ZNF497: variants seen among roughly 807,000 people sequenced by gnomAD.
ZNF497 encodes the protein zinc finger protein 497.
For missense variants in ZNF497, 930 were observed against 714.0 expected (o/e 1.30, Z -3.45); for synonymous variants, 422 against 313.7 (o/e 1.35, Z -3.65).
At chr19:58,359,204 TC>T (rs1158393749) in intron 1 of ZNF497, 1 of 1,290,738 alleles carries the variant, frequency 7.7e-7, no homozygotes, top group South Asian at 1.2e-5. Flanking sequence ...CACCATCAGT[TC>T]CAGTGGACTC....
rs770448722 is a variant in ZNF497, at chr19:58,356,835, G to T, written c.801C>A (p.Ile267=). ...AGGCGTGTGGCCGTGCGCCCGCGTGGATCTTCAGGTGCTCGGCCAGGTTGG... is the reference window on the plus strand; with the variant it reads ...AGGCGTGTGGCCGTGCGCCCGCGTGTATCTTCAGGTGCTCGGCCAGGTTGG... ...QSSNLAEHLK[I]HAGARPHACP... Residue 267 remains isoleucine (I), a synonymous_variant, in exon 3 of 3, where the codon ATC becomes ATA. Coordinates refer to ENST00000311044, the MANE Select transcript of ZNF497 (RefSeq NM_198458.3). 48 of 1,570,786 alleles carry T rather than the reference G, an allele frequency of 3.1e-5. No individual in the cohort carries two copies. Among genetic ancestry groups the T allele is most frequent in the South Asian group, 4.5e-5 (4 of 88,358 alleles).
Position 58,357,294 on chromosome 19 carries a change from C to T in ZNF497, c.342G>A (p.Ala114=), listed in dbSNP as rs1314848794. 3 of 1,610,500 alleles carry T rather than the reference C, an allele frequency of 1.9e-6. No homozygotes were observed. The highest frequency in any genetic ancestry group is 3.4e-5 in the Admixed American group (2 of 59,610). Residue 114 remains alanine (A), a synonymous_variant, in exon 3 of 3, where the codon GCG becomes GCA. Coordinates refer to ENST00000311044, the MANE Select transcript of ZNF497 (RefSeq NM_198458.3). ...GCAGCAAGTAAGAGCCCTGGCTGAACGCCTTGCCGCACTCCCCGCACCGGC... is the reference window on the plus strand; with the variant it reads ...GCAGCAAGTAAGAGCCCTGGCTGAATGCCTTGCCGCACTCCCCGCACCGGC... The part of the protein sequence containing the change: ...PGCRCGECGK[A]FSQGSYLLQH...
chr19:58,356,239 C>A lies in ZNF497; in HGVS notation c.1397G>T (p.Gly466Val). Reference sequence around the variant, plus strand: ...CTCGCCGCAAGCGTAGGGCCTCTCGCCCGTGTGCGTGCGCCGGTGGCTTAA... The same window carrying A: ...CTCGCCGCAAGCGTAGGGCCTCTCGACCGTGTGCGTGCGCCGGTGGCTTAA... Reference protein sequence around the residue: ...ELLSHRRTHTGERPYACGECG... With the variant: ...ELLSHRRTHTVERPYACGECG... The change falls in exon 3 of 3, where the codon GGC (glycine) becomes GTC (valine). Residue 466 changes from glycine to valine, a missense_variant. Coordinates refer to ENST00000311044, the MANE Select transcript of ZNF497 (RefSeq NM_198458.3). The A allele has an allele frequency of 6.2e-7, 1 of 1,607,550 alleles. No homozygotes were observed. The highest frequency in any genetic ancestry group is 2.2e-5 in the East Asian group (1 of 44,740).
At chr19:58,357,972 C>T (rs1599912558) in intron 2 of ZNF497, 1 of 1,291,762 alleles carries the variant, frequency 7.7e-7, no homozygotes. Context: ...CCTACTGTGG[C>T]ACCACTCTCC....
chr19:58,356,354 C>CGGAGCTGCCGCGGAA lies in ZNF497; in HGVS notation c.1267_1281dup (p.Phe423_Ser427dup). On this transcript the variant is annotated inframe_insertion, in exon 3 of 3. Coordinates refer to ENST00000311044, the MANE Select transcript of ZNF497 (RefSeq NM_198458.3). The stretch of plus-strand genomic sequence containing the variant: ...TGCAGGCGCTGGTGCTGGCGCAGCT[C>CGGAGCTGCCGCGGAA]GGAGCTGCCGCGGAAGGCCTTGCCG... 1.3e-6 allele frequency: 2 copies of CGGAGCTGCCGCGGAA among 1,565,620 alleles called. No homozygotes were observed. Among genetic ancestry groups the CGGAGCTGCCGCGGAA allele is most frequent in the Non-Finnish European group, 1.7e-6 (2 of 1,158,912 alleles).
chr19:58,357,987 C>T (rs1599912569), intron 2 of ZNF497: 1 of 1,268,142 alleles, frequency 7.9e-7, no homozygotes. Flanking sequence ...CTCTCCTCTC[C>T]TTGCTTCACA....
chr19:58,357,274 A>T lies in ZNF497; in HGVS notation c.362T>A (p.Leu121Ter). 1 of 1,612,678 alleles carries T rather than the reference A, an allele frequency of 6.2e-7. No individual in the cohort carries two copies. The highest frequency in any genetic ancestry group is 8.5e-7 in the Non-Finnish European group (1 of 1,179,654). ...TGTGTGCACGCGCCGATGCTGCAGC[A>T]AGTAAGAGCCCTGGCTGAACGCCTT... ...CGKAFSQGSYLLQHRRVHTGE... is the reference protein window; with the variant it reads ...CGKAFSQGSY Residue 121 changes from leucine (L) to a stop codon, truncating the protein, a stop_gained, in exon 3 of 3, where the codon TTG becomes TAG. Coordinates refer to ENST00000311044, the MANE Select transcript of ZNF497 (RefSeq NM_198458.3). LOFTEE classifies it low-confidence loss of function (END_TRUNC).
At chr19:58,361,438 C>T (rs912059129) in intron 1 of ZNF497, among the ~76,000 whole-genome samples, 1 of 152,084 alleles carries the variant, frequency 6.6e-6, no homozygotes, top group African/African-American at 2.4e-5. Flanking sequence ...CTCACCGCGA[C>T]CTCCGCCTCC....
chr19:58,356,700 G>T lies in ZNF497; in HGVS notation c.936C>A (p.Arg312=). Residue 312 remains arginine (R), a synonymous_variant, in exon 3 of 3, where the codon CGC becomes CGA. Coordinates refer to ENST00000311044, the MANE Select transcript of ZNF497 (RefSeq NM_198458.3). The part of the protein sequence containing the change: ...FPCAECGKAF[R]ESSQLLQHQR... ...GGTGCTGCAGGAGCTGCGAGCTCTCGCGGAAAGCCTTTCCGCACTCGGCGC... is the reference window on the plus strand; with the variant it reads ...GGTGCTGCAGGAGCTGCGAGCTCTCTCGGAAAGCCTTTCCGCACTCGGCGC... The T allele has an allele frequency of 6.4e-7, 1 of 1,564,474 alleles. No homozygotes were observed.
chr19:58,356,302 GC>G lies in ZNF497; in HGVS notation c.1333del (p.Ala445ProfsTer14). On this transcript the variant is annotated frameshift_variant, in exon 3 of 3. Coordinates refer to ENST00000311044, the MANE Select transcript of ZNF497 (RefSeq NM_198458.3). ...LHSGERPFVC[A>X]HCSKAFVRKS... ...GCGCACGAAGGCCTTGCTGCAGTGG[GC>G]GCAGACGAACGGCCTCTCGCCAGAG... 1 of 1,588,292 alleles carries G rather than the reference GC, an allele frequency of 6.3e-7. No homozygotes were observed. Among genetic ancestry groups the G allele is most frequent in the Non-Finnish European group, 8.6e-7 (1 of 1,168,832 alleles).
rs1020525765 is a variant in ZNF497 at position 58,356,530 on chromosome 19, T to G, written c.1106A>C (p.Gln369Pro). 2 of 1,548,138 alleles carry G rather than the reference T, an allele frequency of 1.3e-6. No homozygotes were observed. Among genetic ancestry groups the G allele is most frequent in the Non-Finnish European group, 1.7e-6 (2 of 1,152,224 alleles). ...CCGGTGGCTCAGTAGGTTGGAGCGC[T>G]GGCTGAAGGCCTTGCCGCACTGGGC... is the stretch of plus-strand genomic sequence containing the variant. ...ACAQCGKAFS[Q>P]RSNLLSHRRT... Residue 369 changes from glutamine to proline, a missense_variant, in exon 3 of 3, where the codon CAG (glutamine) becomes CCG (proline). Physicochemically the swap from Gln to Pro is moderately conservative, Grantham distance 76. Transcript: ENST00000311044.
rs1297590059 is a variant in ZNF497, at chr19:58,354,938, G to A, written c.*1201C>T. 1.3e-5 allele frequency: 2 copies of A among 152,360 alleles called. No homozygotes were observed. The highest frequency in any genetic ancestry group is 2.9e-5 in the Non-Finnish European group (2 of 68,132). The allele number at this position is 152,360 out of a possible 1,614,324, so 9.4% of individuals were successfully genotyped here. ...CAGCCAGAGGCCTGGTCAAATCTGA[G>A]GTCTGCAGAGATGGAGCTGTCATTC... On this transcript the variant is annotated 3_prime_UTR_variant, in exon 3 of 3. Coordinates refer to ENST00000311044, the MANE Select transcript of ZNF497 (RefSeq NM_198458.3).
In ZNF497 at chr19:58,356,123, T is replaced by C; in HGVS notation, c.*16A>G. On this transcript the variant is annotated 3_prime_UTR_variant, in exon 3 of 3. Coordinates refer to ENST00000311044, the MANE Select transcript of ZNF497 (RefSeq NM_198458.3). ...ATGCCGTGTGTCCGCGACCTCCCGC[T>C]CAGGGCGTCCTCGGGTCAGGGCGCA... is the stretch of plus-strand genomic sequence containing the variant. 2 of 1,522,104 alleles carry C rather than the reference T, an allele frequency of 1.3e-6. No individual in the cohort carries two copies. Among genetic ancestry groups the C allele is most frequent in the Admixed American group, 2.1e-5 (1 of 48,304 alleles). The allele number at this position is 1,522,104 out of a possible 1,614,324, so 94.3% of individuals were successfully genotyped here.
chr19:58,355,429 T>G lies in ZNF497; in HGVS notation c.*710A>C, dbSNP rs970912543. ...GGGAGGCTGAGGTGGGAGGATCACC[T>G]GAGCCTAAGAAGTCGCGGCTGCAAT... On this transcript the variant is annotated 3_prime_UTR_variant, in exon 3 of 3. Coordinates refer to ENST00000311044, the MANE Select transcript of ZNF497 (RefSeq NM_198458.3). 6.6e-6 allele frequency: 1 copy of G among 152,244 alleles called. No individual in the cohort carries two copies. The highest frequency in any genetic ancestry group is 2.4e-5 in the African/African-American group (1 of 41,448). 9.4% of individuals were successfully genotyped at this position (152,244 alleles called of 1,614,324 possible). A position where few individuals can be genotyped will look rare whatever the true frequency, so the allele number is the denominator to read the frequency against.
In ZNF497 at chr19:58,356,972, C is replaced by G. The variant is rs368691807; in HGVS notation, c.664G>C (p.Glu222Gln). The change falls in exon 3 of 3, where the codon GAG becomes CAG. Residue 222 changes from glutamate (E) to glutamine (Q), a missense_variant. By Grantham distance (29) the Glu-to-Gln change is conservative (BLOSUM62 2). Transcript: ENST00000311044. Reference protein sequence around the residue: ...HTGEKPYECPECGKAFSWNSN... With the variant: ...HTGEKPYECPQCGKAFSWNSN... ...TTCCAGCTGAAGGCCTTGCCGCACTCCGGGCACTCGTAGGGCTTCTCGCCC... is the reference window on the plus strand; with the variant it reads ...TTCCAGCTGAAGGCCTTGCCGCACTGCGGGCACTCGTAGGGCTTCTCGCCC... The G allele has an allele frequency of 7.5e-6, 12 of 1,607,474 alleles. No homozygotes were observed. The highest frequency in any genetic ancestry group is 1.6e-4 in the Middle Eastern group (1 of 6,074).
rs778074787 is a variant in ZNF497, at chr19:58,356,321, C to G, written c.1315G>C (p.Glu439Gln). The G allele has an allele frequency of 2.0e-5, 31 of 1,576,942 alleles. No homozygotes were observed. Among genetic ancestry groups the G allele is most frequent in the Non-Finnish European group, 8.6e-7 (1 of 1,163,376 alleles). ...CAGTGGGCGCAGACGAACGGCCTCT[C>G]GCCAGAGTGCAGGCGCTGGTGCTGG... is the stretch of plus-strand genomic sequence containing the variant. ...LRQHQRLHSG[E>Q]RPFVCAHCSK... The change falls in exon 3 of 3, where the codon GAG becomes CAG. Residue 439 changes from glutamate to glutamine, a missense_variant. Glu to Gln is a conservative substitution (Grantham distance 29). Transcript: ENST00000311044.
chr19:58,355,176 T>G lies in ZNF497; in HGVS notation c.*963A>C, dbSNP rs540213900. The stretch of plus-strand genomic sequence containing the variant: ...TTTGAAATACCTAGTGTGGTTTCTA[T>G]TTCCTGACTTGACTCTGACTGGTGT... On this transcript the variant is annotated 3_prime_UTR_variant, in exon 3 of 3. Transcript: ENST00000311044. 6.6e-6 allele frequency: 1 copy of G among 152,484 alleles called. No homozygotes were observed. The highest frequency in any genetic ancestry group is 2.1e-4 in the South Asian group (1 of 4,832). 9.4% of individuals were successfully genotyped at this position (152,484 alleles called of 1,614,324 possible). A position where few individuals can be genotyped will look rare whatever the true frequency, so the allele number is the denominator to read the frequency against.
Position 58,354,456 on chromosome 19 carries a change from A to G in ZNF497, c.*1683T>C, listed in dbSNP as rs1485076153. On this transcript the variant is annotated 3_prime_UTR_variant, in exon 3 of 3. Transcript: ENST00000311044. ...AGCATTCCAGGCAGAGGGAACAGCC[A>G]GTGCAAACATGGGAGATGCGGGTGC... 6.6e-6 allele frequency: 1 copy of G among 152,502 alleles called. No homozygotes were observed. The highest frequency in any genetic ancestry group is 1.5e-5 in the Non-Finnish European group (1 of 68,234). 9.4% of individuals were successfully genotyped at this position (152,502 alleles called of 1,614,324 possible).
rs145775228 is a variant in ZNF497 at position 58,358,877 on chromosome 19, C to T, written c.-111-292G>A. 2,020 of 456,674 alleles carry T rather than the reference C, an allele frequency of 4.4e-3. 27 individuals carry two copies. Among genetic ancestry groups the T allele is most frequent in the South Asian group, 2.9e-3 (186 of 64,398 alleles). The allele number at this position is 456,674 out of a possible 1,614,324, so 28.3% of individuals were successfully genotyped here. On this transcript the variant is annotated intron_variant, in intron 1 of 2. Coordinates refer to ENST00000311044, the MANE Select transcript of ZNF497 (RefSeq NM_198458.3). The stretch of plus-strand genomic sequence containing the variant: ...GGGTCGTGAGCAGGGGAAGCACACC[C>T]AGCCCCCAGACCAGCCCCCACTCAT...
Sources: allele counts gnomAD v4.1 joint callset (sites outside exome capture counted in the v4.1 genomes callset), GRCh38; gene constraint gnomAD v4.1.1; transcripts MANE v1.5; gene names NCBI Gene and HGNC (gene_info 2026-07-23, HGNC 2026-07-21).